The following MYO19 variants were observed in gnomAD, a reference collection of about 807,000 sequenced individuals.
MYO19 encodes myosin XIX, also known as unconventional myosin-XIX.
A neutral mutation model predicts 129.2 loss-of-function variants in MYO19; 132 were observed. The ratio of observed to expected loss-of-function variants is 1.02; its 90% CI spans 0.89 to 1.18. The LOEUF is 1.18. Among genes scored for constraint, MYO19 ranks in the 50% most tolerant of loss-of-function variants. The pLI is 0.00. For synonymous variants in MYO19, 531 were observed against 477.2 expected (o/e 1.11, Z -1.47); for missense variants, 1,210 against 1,216.7 (o/e 0.99, Z 0.08).
Position 36,498,401 on chromosome 17 carries a change from A to G in MYO19, c.2622T>C (p.Ala874=). 1 of 1,614,032 alleles carries G rather than the reference A, an allele frequency of 6.2e-7. No homozygotes were observed. Among genetic ancestry groups the G allele is most frequent in the Non-Finnish European group, 8.5e-7 (1 of 1,179,886 alleles). ...TCCTCTGAAAGCTGCCTACACCCAT[A>G]GCCGTATTGGCCAGGACCAGTCCCA... ...WPLGLVLANT[A]MGVGSFQRKL... Residue 874 remains alanine, a synonymous_variant, in exon 25 of 26, where the codon GCT becomes GCC. Transcript: ENST00000614623.
chr17:36,507,202 T>G (rs1210709706), intron 16 of MYO19, 63 bp from the exon 17 acceptor site: 1 of 1,564,974 alleles, frequency 6.4e-7, no homozygotes, highest in Non-Finnish European at 8.7e-7. Context: ...ACCCTCACTG[T>G]CCCCACCCTG....
chr17:36,506,431 C>T, intron 18 of MYO19, 25 bp downstream of exon 18: 1 of 1,613,792 alleles, frequency 6.2e-7, no homozygotes, highest in Non-Finnish European at 8.5e-7. Flanking sequence ...GAACCAAGCA[C>T]CTCCCATCAG....
chr17:36,506,805 G>C, intron 17 of MYO19, 158 bp downstream of exon 17: 1 of 1,111,418 alleles, frequency 9.0e-7, no homozygotes, highest in Non-Finnish European at 1.2e-6. Flanking sequence ...TGCTTGATTA[G>C]TGGAGACCTC....
chr17:36,538,550 T>TA, upstream of MYO19: 1 of 1,613,834 alleles, frequency 6.2e-7, no homozygotes, highest in Middle Eastern at 1.6e-4. Flanking sequence ...TCAATCTCTA[T>TA]ATGTTTTCCA....
intron 3 of MYO19, 85 bp downstream of exon 3, chr17:36,532,442 G>T: frequency 4.0e-6 from 6 of 1,498,380 alleles, no homozygotes; most frequent in East Asian, 2.5e-5. Context: ...ACCTTTAAGG[G>T]GGCTTTCCCT....
intron 19 of MYO19, 89 bp from the exon 20 acceptor site, chr17:36,504,109 T>C: frequency 9.3e-7 from 1 of 1,073,716 alleles, no homozygotes; most frequent in African/African-American, 1.6e-5. Flanking sequence ...TCTTAGACCC[T>C]GGCCAGTGCC....
chr17:36,500,573 AAAGACAACGCT>A (rs1241888127), intron 23 of MYO19: 4 of 484,240 alleles, frequency 8.3e-6, no homozygotes, highest in African/African-American at 7.6e-5. Flanking sequence ...GAAAGGAATT[AAAGACAACGCT>A]TAGACAACGC....
chr17:36,517,029 A>G (rs1314527893), intron 6 of MYO19, among the ~76,000 whole-genome samples: 1 of 152,194 alleles, frequency 6.6e-6, no homozygotes, highest in Non-Finnish European at 1.5e-5. Flanking sequence ...AATTTCTTTC[A>G]GAAATAGGGG....
At chr17:36,537,493 G>C, upstream of MYO19, 1 of 1,614,138 alleles carries the variant, frequency 6.2e-7, no homozygotes, top group Non-Finnish European at 8.5e-7. Flanking sequence ...GCCATCTCCT[G>C]TTTCCGTGTA....
At position 36,501,965 on chromosome 17, in the gene MYO19, T is replaced by C. The variant is rs2071560891; in HGVS notation, c.2081-730A>G. The C allele has an allele frequency of 2.0e-5, 3 of 152,456 alleles. 1 individual carries two copies. The highest frequency in any genetic ancestry group is 2.0e-4 in the Admixed American group (3 of 15,278). The allele number at this position is 152,456 out of a possible 1,614,324, so 9.4% of individuals were successfully genotyped here. A position where few individuals can be genotyped will look rare whatever the true frequency, so the allele number is the denominator to read the frequency against. Reference sequence around the variant, plus strand: ...AATCAACCAGGGGCCAGAAGGGCTATGGGCAAGAGACACGGAACAGGACAG... The same window carrying C: ...AATCAACCAGGGGCCAGAAGGGCTACGGGCAAGAGACACGGAACAGGACAG... On this transcript the variant is annotated intron_variant, in intron 21 of 25. Coordinates refer to ENST00000614623, the MANE Select transcript of MYO19 (RefSeq NM_001163735.2).
intron 2 of MYO19, 21 bp from the exon 3 acceptor site, chr17:36,532,702 C>A (rs1311487398): frequency 3.7e-6 from 3 of 809,334 alleles, no homozygotes; most frequent in Non-Finnish European, 6.1e-6. Flanking sequence ...AGAGAGAAGA[C>A]AAGGACCACA....
intron 12 of MYO19, 136 bp downstream of exon 12, chr17:36,511,229 A>G: frequency 1.1e-6 from 1 of 912,110 alleles, no homozygotes. Context: ...TAAATGATCC[A>G]GGGCCAGGCC....
chr17:36,518,347 T>C (rs1347339779), intron 6 of MYO19, among the ~76,000 whole-genome samples: 1 of 150,466 alleles, frequency 6.6e-6, no homozygotes, highest in East Asian at 2.0e-4. Context: ...ATACAAAAAT[T>C]AGCCAGGTGT....
At chr17:36,513,606 G>A in intron 10 of MYO19, 23 bp downstream of exon 10, 6 of 1,613,978 alleles carry the variant, frequency 3.7e-6, no homozygotes, top group Non-Finnish European at 5.1e-6. Flanking sequence ...TCAGCGCAAG[G>A]TGCTGGATGG....
chr17:36,531,598 G>A (rs1414352564), intron 3 of MYO19, among the ~76,000 whole-genome samples: 4 of 149,576 alleles, frequency 2.7e-5, no homozygotes, highest in Non-Finnish European at 5.9e-5. Context: ...TTTTTAATAA[G>A]AGAAAAAAAA....
At chr17:36,527,838 G>C in intron 4 of MYO19, 139 bp from the exon 5 acceptor site, 1 of 1,145,394 alleles carries the variant, frequency 8.7e-7, no homozygotes, top group Non-Finnish European at 1.2e-6. Context: ...CTGAAGAAAA[G>C]ATACAAGATC....
upstream of MYO19, among the ~76,000 whole-genome samples, chr17:36,544,292 G>A (rs1165767859): frequency 6.6e-6 from 1 of 152,218 alleles, no homozygotes; most frequent in Admixed American, 6.5e-5. Context: ...ACTATTTGCT[G>A]TCCCCTCAGC....
At chr17:36,542,797 C>T (rs754782052) in intron 1 of MYO19, among the ~76,000 whole-genome samples, 5 of 151,984 alleles carry the variant, frequency 3.3e-5, no homozygotes, top group Non-Finnish European at 5.9e-5. Context: ...CTCACTGCAA[C>T]TTCCGCCTTC....
intron 5 of MYO19, among the ~76,000 whole-genome samples, chr17:36,526,750 G>T (rs972938555): frequency 2.6e-5 from 4 of 152,118 alleles, no homozygotes; most frequent in Admixed American, 6.6e-5. Context: ...AGCCGGGCAT[G>T]GTGGTGGGCA....
Sources: gnomAD v4.1 joint callset for allele counts (sites outside exome capture counted in the v4.1 genomes callset) on GRCh38, gnomAD v4.1.1 for gene constraint, MANE v1.5 for transcripts, NCBI Gene and HGNC (gene_info 2026-07-23, HGNC 2026-07-21) for gene names.